RPS24: variants seen among roughly 807,000 people sequenced by gnomAD.
RPS24 encodes ribosomal protein S24.
For synonymous variants in RPS24, 72 were observed against 55.6 expected (o/e 1.30, Z -1.31); for missense variants, 100 against 162.5 (o/e 0.62, Z 2.09).
chr10:78,044,537 T>C (rs1187456917), downstream of RPS24, among the ~76,000 whole-genome samples: 1 of 152,062 alleles, frequency 6.6e-6, no homozygotes, highest in Admixed American at 6.6e-5. Context: ...ACCTGACTCA[T>C]TTGTGCTGGC....
intron 3 of RPS24, 50 bp from the exon 4 acceptor site, chr10:78,037,144 A>C (rs1564629119): frequency 6.4e-7 from 1 of 1,562,630 alleles, no homozygotes; most frequent in Non-Finnish European, 8.7e-7. Flanking sequence ...AGTGGTGGGT[A>C]ATGATTTTAA....
At chr10:78,036,020 A>G in intron 3 of RPS24, 2 of 402,106 alleles carry the variant, frequency 5.0e-6, no homozygotes, top group Non-Finnish European at 9.4e-6. Flanking sequence ...GCCTGGCACC[A>G]AATTCACTTA....
At chr10:78,043,407 G>A (rs1362823657), downstream of RPS24, among the ~76,000 whole-genome samples, 1 of 152,208 alleles carries the variant, frequency 6.6e-6, no homozygotes, top group African/African-American at 2.4e-5. Context: ...AAGTGGTGGG[G>A]ATGGGATTGG....
At chr10:78,037,912 T>TC in intron 4 of RPS24, 1 of 908,040 alleles carries the variant, frequency 1.1e-6, no homozygotes, top group Non-Finnish European at 1.5e-6. Flanking sequence ...CTTTTTTTTT[T>TC]TTTTTTTTTT....
chr10:78,037,421 T>C (rs1847896299), intron 4 of RPS24, 117 bp downstream of exon 4: 1 of 1,444,566 alleles, frequency 6.9e-7, no homozygotes, highest in African/African-American at 1.5e-5. Flanking sequence ...TTCTTTTCCC[T>C]CTTCTTCTGG....
chr10:78,044,823 A>G (rs1848026631), downstream of RPS24, among the ~76,000 whole-genome samples: 1 of 150,836 alleles, frequency 6.6e-6, no homozygotes, highest in Non-Finnish European at 1.5e-5. Context: ...GGTTAAAGAA[A>G]ATAAAACGTT....
downstream of RPS24, chr10:78,040,741 C>A: frequency 1.4e-6 from 2 of 1,431,612 alleles, no homozygotes; most frequent in Non-Finnish European, 2.0e-6. Context: ...CCTGGGACTG[C>A]TAGGAGGTTA....
At chr10:78,054,483 G>A in intron 4 of RPS24, 1 of 1,472,810 alleles carries the variant, frequency 6.8e-7, no homozygotes, top group Non-Finnish European at 9.1e-7. Flanking sequence ...CGGCTGGAAG[G>A]CACCTGGACA....
At chr10:78,052,041 T>TTATTTA (rs1848103540) in intron 4 of RPS24, among the ~76,000 whole-genome samples, 1 of 152,136 alleles carries the variant, frequency 6.6e-6, no homozygotes, top group Admixed American at 6.5e-5. Context: ...ATTTATTTAT[T>TTATTTA]TTGAGACAGG....
chr10:78,036,309 C>CTT (rs891740637), intron 3 of RPS24: 9 of 155,510 alleles, frequency 5.8e-5, no homozygotes, highest in East Asian at 1.8e-4. Flanking sequence ...AGAGGCTGCA[C>CTT]TTTTTTTTTT....
At chr10:78,055,308 A>G (rs1848140108) in exon 5 of RPS24, 1 of 328,758 alleles carries the variant, frequency 3.0e-6, no homozygotes, top group Admixed American at 4.5e-5. Flanking sequence ...AGTTGATTTT[A>G]TTATTTTCTT....
chr10:78,036,065 T>C (rs1320453671), intron 3 of RPS24: 1 of 352,580 alleles, frequency 2.8e-6, no homozygotes, highest in South Asian at 2.4e-5. Context: ...CTTAAACCCA[T>C]AGGTAGTCAG....
At chr10:78,055,093 A>T in exon 5 of RPS24, 4 of 1,442,564 alleles carry the variant, frequency 2.8e-6, no homozygotes, top group Non-Finnish European at 3.6e-6. Context: ...CCAGCAGGGC[A>T]CTGTGGAAAT....
chr10:78,055,219 C>G (rs562732070), exon 5 of RPS24: 1 of 644,196 alleles, frequency 1.6e-6, no homozygotes, highest in East Asian at 3.4e-5. Context: ...TGGCCACTGG[C>G]CTCCCACCAC....
At chr10:78,051,921 T>A (rs1466470155) in intron 4 of RPS24, among the ~76,000 whole-genome samples, 1 of 152,220 alleles carries the variant, frequency 6.6e-6, no homozygotes, top group African/African-American at 2.4e-5. Flanking sequence ...TGTCTTTTTA[T>A]TGTGTTGTGT....
chr10:78,045,479 GCTTT>G (rs905052249), downstream of RPS24, among the ~76,000 whole-genome samples: 13 of 151,844 alleles, frequency 8.6e-5, no homozygotes, highest in African/African-American at 2.7e-4. Flanking sequence ...GCAGGTGGGG[GCTTT>G]CTTTTTTTCT....
At chr10:78,040,307 G>A (rs932101217) in intron 5 of RPS24, 82 bp downstream of exon 5, 4 of 1,106,252 alleles carry the variant, frequency 3.6e-6, no homozygotes, top group African/African-American at 1.5e-5. Context: ...AGCAGATCAT[G>A]TGTAGTACAT....
At chr10:78,047,620 G>T (rs536956012) in intron 4 of RPS24, among the ~76,000 whole-genome samples, 11 of 152,262 alleles carry the variant, frequency 7.2e-5, no homozygotes, top group Non-Finnish European at 1.6e-4. Context: ...TTGTTTATAG[G>T]ATTCGGCCCT....
chr10:78,041,026 CAG>C (rs1392739055), downstream of RPS24, among the ~76,000 whole-genome samples: 1 of 151,458 alleles, frequency 6.6e-6, no homozygotes, highest in Non-Finnish European at 1.5e-5. Context: ...TTTTTCGAGA[CAG>C]GGTCTAGCTT....
Sources: allele counts gnomAD v4.1 joint callset (sites outside exome capture counted in the v4.1 genomes callset), GRCh38; gene constraint gnomAD v4.1.1; transcripts MANE v1.5; gene names NCBI Gene and HGNC (gene_info 2026-07-23, HGNC 2026-07-21).